The following ATM variants were observed in gnomAD, a reference collection of about 807,000 sequenced individuals.
ATM encodes serine-protein kinase ATM.
Under a neutral mutation model 387.0 loss-of-function variants are expected in ATM, and 308 were observed. The ratio of observed to expected loss-of-function variants is 0.80; its 90% CI spans 0.73 to 0.87. The LOEUF is 0.87. Ranked by LOEUF, ATM falls within the 40% of genes least tolerant of loss-of-function variation. ATM has a pLI of 0.00. For missense variants in ATM, 3,312 were observed against 3,560.9 expected (o/e 0.93, Z 1.78); for synonymous variants, 1,156 against 1,187.3 (o/e 0.97, Z 0.54).
intron 16 of ATM, among the ~76,000 whole-genome samples, chr11:108,261,413 G>A (rs2080878963): frequency 1.3e-5 from 2 of 152,228 alleles, no homozygotes; most frequent in African/African-American, 4.8e-5. Context: ...CAGGCCTGCA[G>A]CTGAGGGTTT....
At chr11:108,351,516 A>G (rs1591296449) in intron 59 of ATM, among the ~76,000 whole-genome samples, 1 of 152,190 alleles carries the variant, frequency 6.6e-6, no homozygotes, top group Admixed American at 6.5e-5. Flanking sequence ...AGGATCTCTC[A>G]TGCAGCTGCA....
chr11:108,343,395 G>GT (rs1488003076), intron 57 of ATM, 24 bp downstream of exon 57: 1 of 1,612,628 alleles, frequency 6.2e-7, no homozygotes, highest in East Asian at 2.2e-5. Flanking sequence ...AAAATTAAAG[G>GT]TTATTGTAAG....
chr11:108,340,711 G>A (rs1334322866), intron 56 of ATM, among the ~76,000 whole-genome samples: 3 of 151,994 alleles, frequency 2.0e-5, no homozygotes, highest in East Asian at 1.9e-4. Context: ...ACTCTTATTC[G>A]GTATCTGTGG....
At chr11:108,329,351 G>A (rs1365534199) in intron 49 of ATM, 113 bp downstream of exon 49, 2 of 1,004,478 alleles carry the variant, frequency 2.0e-6, no homozygotes. Context: ...GAGCTCTAAA[G>A]GTCGGCTTAA....
At chr11:108,272,113 G>C (rs2081615576) in intron 20 of ATM, among the ~76,000 whole-genome samples, 1 of 152,112 alleles carries the variant, frequency 6.6e-6, no homozygotes, top group Admixed American at 6.6e-5. Context: ...GACCTCAAGT[G>C]ATCTGCCCAC....
chr11:108,258,540 C>A (rs1056613708), intron 15 of ATM, among the ~76,000 whole-genome samples: 1 of 152,142 alleles, frequency 6.6e-6, no homozygotes, highest in African/African-American at 2.4e-5. Flanking sequence ...TGTGTTTAAT[C>A]TTTGTTTTTA....
In ATM at chr11:108,292,782, G is replaced by A. The variant is rs745351684; in HGVS notation, c.4600G>A (p.Val1534Ile). 6.2e-7 allele frequency: 1 copy of A among 1,613,876 alleles called. No homozygotes were observed. Among genetic ancestry groups the A allele is most frequent in the South Asian group, 1.1e-5 (1 of 91,072 alleles). ...LIPLVYEQVE[V>I]QKQVLDLLKY... ...ACCCCTTGTGTATGAGCAGGTGGAG[G>A]TTCAGAAACAGGTAATTTTCTGACT... Residue 1534 changes from valine (V) to isoleucine (I), a missense_variant, in exon 30 of 63, where the codon GTT (valine) becomes ATT (isoleucine). Physicochemically the swap from Val to Ile is conservative, Grantham distance 29 (BLOSUM62 3). Around this residue, in one of 4 missense-constraint regions of ATM, gnomAD observed 1,791 missense variants for 1,804.5 expected, o/e 0.99. Transcript: ENST00000675843.
chr11:108,331,993 A>G lies in ATM; in HGVS notation c.7744A>G (p.Arg2582Gly), dbSNP rs750224234. The G allele has an allele frequency of 3.1e-6, 5 of 1,614,106 alleles. No homozygotes were observed. Residue 2582 changes from arginine to glycine, a missense_variant, in exon 52 of 63, where the codon AGA becomes GGA. Transcript: ENST00000675843. ...LTKPEVARRS[R>G]ITKNVPKQSS... ...TAAACCAGAGGTAGCCAGAAGAAGC[A>G]GAATAACTAAAAATGTGCCTAAACA...
intron 31 of ATM, among the ~76,000 whole-genome samples, chr11:108,293,893 AAATAT>A (rs554965677): frequency 0.081 from 8,151 of 100,802 alleles, 205 homozygotes; most frequent in Non-Finnish European, 0.11. Flanking sequence ...AAAAAAAAAA[AAATAT>A]ATATATATAT....
chr11:108,293,473 T>G lies in ATM; in HGVS notation c.4772T>G (p.Leu1591Trp), dbSNP rs1565463381. 6.2e-7 allele frequency: 1 copy of G among 1,610,034 alleles called. No homozygotes were observed. The highest frequency in any genetic ancestry group is 8.5e-7 in the Non-Finnish European group (1 of 1,177,024). The change falls in exon 31 of 63, where the codon TTG becomes TGG. Residue 1591 changes from leucine to tryptophan, a missense_variant. Around this residue, in one of 4 missense-constraint regions of ATM, gnomAD observed 1,405 missense variants for 1,604.4 expected, o/e 0.88. Coordinates refer to ENST00000675843, the MANE Select transcript of ATM (RefSeq NM_000051.4). ...TACAGTAGAGGACCCTTTTCACTCTTGGAGGTAATAAAAATTTCATCATCT... is the reference window on the plus strand; with the variant it reads ...TACAGTAGAGGACCCTTTTCACTCTGGGAGGTAATAAAAATTTCATCATCT... ...IKYSRGPFSLLEEINHFLSVS... is the reference protein window; with the variant it reads ...IKYSRGPFSLWEEINHFLSVS...
At chr11:108,360,000 A>T (rs1451442023) in intron 61 of ATM, among the ~76,000 whole-genome samples, 70 of 152,048 alleles carry the variant, frequency 4.6e-4, no homozygotes, top group African/African-American at 1.6e-3. Flanking sequence ...AAATTAATGA[A>T]TCCAGGAGCT....
intron 18 of ATM, among the ~76,000 whole-genome samples, chr11:108,269,989 C>T (rs1398800496): frequency 6.6e-6 from 1 of 152,110 alleles, no homozygotes; most frequent in African/African-American, 2.4e-5. Flanking sequence ...ATGTACATGA[C>T]TCTCATGTCA....
In ATM at chr11:108,356,898, C is replaced by T. The variant is rs140478517; in HGVS notation, c.8850+2024C>T. On this transcript the variant is annotated intron_variant, in intron 61 of 62. Transcript: ENST00000675843. ...TCTGAAAAGTGATTTGCATCTCCAC[C>T]TACAATAACTGTCACCTTTAAACAC... Among the ~76,000 whole-genome samples, 306 of 152,302 alleles carry T rather than the reference C, an allele frequency of 2.0e-3. 1 individual carries two copies. The highest frequency in any genetic ancestry group is 7.0e-3 in the African/African-American group (291 of 41,558).
chr11:108,256,435 A>G (rs2135396805), intron 14 of ATM, 95 bp downstream of exon 14: 2 of 1,325,620 alleles, frequency 1.5e-6, no homozygotes. Flanking sequence ...ATTAAATTTT[A>G]TGCAGGTTAA....
At chr11:108,259,614 A>G (rs2080737513) in intron 16 of ATM, among the ~76,000 whole-genome samples, 1 of 152,224 alleles carries the variant, frequency 6.6e-6, no homozygotes, top group Non-Finnish European at 1.5e-5. Context: ...GTTTCTCAAT[A>G]AATAATACAT....
In ATM at chr11:108,297,401, C is replaced by T; in HGVS notation, c.5005+19C>T. On this transcript the variant is annotated intron_variant, in intron 33 of 62. Coordinates refer to ENST00000675843, the MANE Select transcript of ATM (RefSeq NM_000051.4). The stretch of plus-strand genomic sequence containing the variant: ...GTTCTAGGTAAACTACAGTCATGCG[C>T]TGCGTGACATTTCAGTCAACTGCGG... 1 of 1,560,430 alleles carries T rather than the reference C, an allele frequency of 6.4e-7. No homozygotes were observed. Among genetic ancestry groups the T allele is most frequent in the Non-Finnish European group, 8.8e-7 (1 of 1,131,288 alleles).
chr11:108,254,161 A>C (rs1191951099), intron 13 of ATM, 122 bp downstream of exon 13: 43 of 906,268 alleles, frequency 4.7e-5, no homozygotes, highest in Non-Finnish European at 7.1e-5. Context: ...TTAAAAGCAA[A>C]GTGGCAGTAA....
chr11:108,338,080 G>C (rs921558164), intron 56 of ATM, among the ~76,000 whole-genome samples: 1 of 152,252 alleles, frequency 6.6e-6, no homozygotes. Context: ...CGGGCATGGT[G>C]GCCCACGCCT....
At position 108,339,747 on chromosome 11, in the gene ATM, G is replaced by A. The variant is rs980898961; in HGVS notation, c.8269-3475G>A. ...AATAAGGGTTTGATTCCCCCTCCCC[G>A]CCCCAGAGCTAGATATTGATAGAGA... On this transcript the variant is annotated intron_variant, in intron 56 of 62. Coordinates refer to ENST00000675843, the MANE Select transcript of ATM (RefSeq NM_000051.4). 4.6e-5 allele frequency among the ~76,000 whole-genome samples: 7 copies of A among 151,900 alleles called. No individual in the cohort carries two copies. The East Asian group carries it at 5.8e-4, about 13-fold the overall frequency.
Sources: allele counts gnomAD v4.1 joint callset (sites outside exome capture counted in the v4.1 genomes callset), GRCh38; gene constraint gnomAD v4.1.1; regional missense constraint gnomAD v4.1.1; transcripts MANE v1.5; gene names NCBI Gene and HGNC (gene_info 2026-07-23, HGNC 2026-07-21).